Variants in RPS6KC1 observed in about 807,000 individuals in gnomAD.
RPS6KC1 encodes the protein inactive ribosomal protein S6 kinase delta-1.
Under a neutral mutation model 103.8 loss-of-function variants are expected in RPS6KC1, and 54 were observed. The ratio of observed to expected loss-of-function variants is 0.52; its 90% CI spans 0.42 to 0.65. The LOEUF (loss-of-function observed/expected upper bound fraction) is 0.65, where lower values mean the gene tolerates loss of function less well. RPS6KC1 is among the 30% of genes least tolerant of loss of function. RPS6KC1 has a pLI of 0.00. For missense variants in RPS6KC1, 1,151 were observed against 1,253.8 expected (o/e 0.92, Z 1.24); for synonymous variants, 439 against 438.7 (o/e 1.00, Z -0.01).
chr1:213,100,336 C>G (rs535412680), intron 3 of RPS6KC1, among the ~76,000 whole-genome samples: 1 of 151,848 alleles, frequency 6.6e-6, no homozygotes, highest in African/African-American at 2.4e-5. Context: ...AGACACCAGT[C>G]GTTTGATGTT....
chr1:213,716,723 T>C, the RPS6KC1 span, among the ~76,000 whole-genome samples: 1 of 152,206 alleles, frequency 6.6e-6, no homozygotes, highest in African/African-American at 2.4e-5. Flanking sequence ...CCTATCTATT[T>C]GATGATAAAT....
At chr1:213,633,902 A>G in the RPS6KC1 span, among the ~76,000 whole-genome samples, 2 of 134,470 alleles carry the variant, frequency 1.5e-5, no homozygotes, top group Admixed American at 1.6e-4. Flanking sequence ...AAAAAAAAAA[A>G]AAAAAAAAAA....
At chr1:213,729,300 C>T in the RPS6KC1 span, among the ~76,000 whole-genome samples, 6 of 152,106 alleles carry the variant, frequency 3.9e-5, no homozygotes, top group Non-Finnish European at 7.4e-5. Flanking sequence ...CAGTATTTCC[C>T]TCTTGTAACC....
the RPS6KC1 span, among the ~76,000 whole-genome samples, chr1:213,281,663 C>T: frequency 2.0e-5 from 3 of 152,216 alleles, no homozygotes; most frequent in African/African-American, 7.2e-5. Flanking sequence ...GATGTTGCCA[C>T]TCTCTGTCCC....
chr1:213,493,552 C>T, the RPS6KC1 span, among the ~76,000 whole-genome samples: 2 of 152,262 alleles, frequency 1.3e-5, no homozygotes, highest in East Asian at 3.9e-4. Flanking sequence ...CAGACATAAT[C>T]GGGAAAATGA....
chr1:213,485,923 A>T, the RPS6KC1 span, among the ~76,000 whole-genome samples: 3 of 152,152 alleles, frequency 2.0e-5, no homozygotes, highest in African/African-American at 7.2e-5. Flanking sequence ...ACAAAAAGAG[A>T]GCATAGGCAC....
chr1:213,665,903 T>C, the RPS6KC1 span, among the ~76,000 whole-genome samples: 43 of 152,374 alleles, frequency 2.8e-4, 1 homozygote, highest in African/African-American at 7.7e-4. Context: ...ATCCAAGTTA[T>C]ATTGTTACAT....
the RPS6KC1 span, among the ~76,000 whole-genome samples, chr1:213,508,150 G>A: frequency 1.3e-5 from 2 of 152,084 alleles, no homozygotes; most frequent in Non-Finnish European, 2.9e-5. Flanking sequence ...CATTAAGAGG[G>A]AAATCTATTA....
At chr1:213,500,908 A>C in the RPS6KC1 span, among the ~76,000 whole-genome samples, 152 of 152,320 alleles carry the variant, frequency 1.0e-3, no homozygotes, top group African/African-American at 3.6e-3. Flanking sequence ...ATACTAGAAA[A>C]CAGAAAAAGT....
chr1:213,380,625 A>G, the RPS6KC1 span, among the ~76,000 whole-genome samples: 21 of 152,230 alleles, frequency 1.4e-4, no homozygotes, highest in African/African-American at 4.6e-4. Context: ...TAATTATACA[A>G]TGTGTATATT....
At chr1:213,727,496 A>G in the RPS6KC1 span, among the ~76,000 whole-genome samples, 1,375 of 152,342 alleles carry the variant, frequency 9.0e-3, 27 homozygotes, top group African/African-American at 0.031. Flanking sequence ...GAGGAATTCT[A>G]AGAAGTTTCA....
In RPS6KC1 at chr1:213,126,777, C is replaced by T. The variant is rs74605760; in HGVS notation, c.473-2750C>T. On this transcript the variant is annotated intron_variant, in intron 5 of 14. Transcript: ENST00000366960. ...TAAATAAAGTTTTACTGGAACACAG[C>T]CATGCTTATTCATTTATATATTGTC... 2.4e-3 allele frequency among the ~76,000 whole-genome samples: 372 copies of T among 152,232 alleles called. 1 individual carries two copies. Among genetic ancestry groups the T allele is most frequent in the Middle Eastern group, 0.02 (6 of 294 alleles).
the RPS6KC1 span, among the ~76,000 whole-genome samples, chr1:213,782,522 A>G: frequency 6.6e-6 from 1 of 152,164 alleles, no homozygotes; most frequent in East Asian, 1.9e-4. Flanking sequence ...CTCGGGACAC[A>G]TAGTGTCCAC....
the RPS6KC1 span, among the ~76,000 whole-genome samples, chr1:213,622,691 C>T: frequency 2.0e-5 from 3 of 152,234 alleles, no homozygotes; most frequent in Non-Finnish European, 2.9e-5. Flanking sequence ...GGCACTTGAT[C>T]CTGTGGGGGT....
the RPS6KC1 span, among the ~76,000 whole-genome samples, chr1:213,512,476 C>G: frequency 2.0e-5 from 3 of 152,198 alleles, no homozygotes; most frequent in Non-Finnish European, 4.4e-5. Context: ...CTCTCCCAGC[C>G]TGCTACTTAA....
At chr1:213,513,546 G>T in the RPS6KC1 span, among the ~76,000 whole-genome samples, 1 of 152,146 alleles carries the variant, frequency 6.6e-6, no homozygotes, top group African/African-American at 2.4e-5. Context: ...ACAATTTTTG[G>T]AGAGCACACA....
chr1:213,182,952 G>GAT (rs902704591), intron 8 of RPS6KC1, among the ~76,000 whole-genome samples: 39 of 148,804 alleles, frequency 2.6e-4, no homozygotes, highest in South Asian at 4.2e-4. Flanking sequence ...TATATATCAT[G>GAT]ATATATATAT....
At chr1:213,764,747 A>T in the RPS6KC1 span, among the ~76,000 whole-genome samples, 19 of 152,272 alleles carry the variant, frequency 1.2e-4, no homozygotes, top group East Asian at 1.4e-3. Context: ...TCAAGGTCAT[A>T]TCCTGGAGCA....
At chr1:213,491,459 G>T in the RPS6KC1 span, among the ~76,000 whole-genome samples, 2 of 152,072 alleles carry the variant, frequency 1.3e-5, no homozygotes, top group African/African-American at 4.8e-5. Context: ...GAGGTGGGAG[G>T]ATCACTTGAG....
Sources: allele counts gnomAD v4.1 joint callset (sites outside exome capture counted in the v4.1 genomes callset), GRCh38; gene constraint gnomAD v4.1.1; transcripts MANE v1.5; gene names NCBI Gene and HGNC (gene_info 2026-07-23, HGNC 2026-07-21).